PDE8A: variants seen among roughly 807,000 people sequenced by gnomAD.
PDE8A encodes the protein high affinity cAMP-specific and IBMX-insensitive 3',5'-cyclic phosphodiesterase 8A.
PDE8A carries 59 observed loss-of-function variants against 105.0 expected under a neutral mutation model. The observed-to-expected ratio is 0.56, with a 90% CI of 0.46 to 0.70. The LOEUF (loss-of-function observed/expected upper bound fraction) is 0.70. Among genes scored for constraint, PDE8A ranks in the 30% least tolerant of loss-of-function variants. The probability of loss-of-function intolerance (pLI) is 0.00; values close to 1 mark genes in which losing one functional copy is unlikely to be tolerated. For missense variants in PDE8A, 1,014 were observed against 1,045.9 expected (o/e 0.97, Z 0.42); for synonymous variants, 355 against 371.9 (o/e 0.95, Z 0.52).
At chr15:85,111,736 T>C (rs2082023991) in intron 12 of PDE8A, among the ~76,000 whole-genome samples, 1 of 152,192 alleles carries the variant, frequency 6.6e-6, no homozygotes, top group African/African-American at 2.4e-5. Context: ...TGGGATTTGT[T>C]TTCAGAGTGC....
At chr15:84,988,000 G>A (rs1349012163) in intron 1 of PDE8A, among the ~76,000 whole-genome samples, 1 of 152,212 alleles carries the variant, frequency 6.6e-6, no homozygotes, top group Non-Finnish European at 1.5e-5. Flanking sequence ...GGATTCTGCA[G>A]TTCTTAGAGT....
At chr15:85,009,876 TAA>T (rs745978070) in intron 1 of PDE8A, among the ~76,000 whole-genome samples, 1 of 152,198 alleles carries the variant, frequency 6.6e-6, no homozygotes, top group Non-Finnish European at 1.5e-5. Flanking sequence ...AAACTAGAAA[TAA>T]CCCCATAGTT....
At chr15:85,019,648 C>G (rs574875012) in intron 1 of PDE8A, among the ~76,000 whole-genome samples, 2 of 152,190 alleles carry the variant, frequency 1.3e-5, no homozygotes, top group African/African-American at 4.8e-5. Context: ...ATGGCATGAT[C>G]TTGGCTCTGC....
intron 18 of PDE8A, among the ~76,000 whole-genome samples, chr15:85,122,118 ATC>A (rs748151307): frequency 1.3e-5 from 2 of 152,068 alleles, no homozygotes; most frequent in Non-Finnish European, 2.9e-5. Context: ...GCCTTCCCTG[ATC>A]TCTCATGCTA....
At chr15:85,003,464 C>T (rs2080097554) in intron 1 of PDE8A, among the ~76,000 whole-genome samples, 1 of 152,184 alleles carries the variant, frequency 6.6e-6, no homozygotes, top group Non-Finnish European at 1.5e-5. Flanking sequence ...ACAACTTTCA[C>T]AGAACAGGAT....
chr15:85,136,526 C>T lies in PDE8A; in HGVS notation c.2254-8C>T, dbSNP rs376597206. On this transcript the variant is annotated splice_region_variant and splice_polypyrimidine_tract_variant and intron_variant, in intron 20 of 21. Coordinates refer to ENST00000394553, the MANE Select transcript of PDE8A (RefSeq NM_002605.3). ...TGGGGTCTCCTGATCACATTTTCTG[C>T]TTTACAGACTGATGAAGAGAAGCAG... 21 of 1,611,478 alleles carry T rather than the reference C, an allele frequency of 1.3e-5. No homozygotes were observed. Among genetic ancestry groups the T allele is most frequent in the Non-Finnish European group, 1.7e-5 (20 of 1,178,930 alleles).
intron 1 of PDE8A, among the ~76,000 whole-genome samples, chr15:85,014,797 G>GC (rs754237501): frequency 1.3e-5 from 2 of 151,940 alleles, no homozygotes; most frequent in Non-Finnish European, 2.9e-5. Flanking sequence ...TCATATACTC[G>GC]CCCTTATAAA....
At chr15:85,116,291 G>A in intron 16 of PDE8A, 172 bp downstream of exon 16, 1 of 589,884 alleles carries the variant, frequency 1.7e-6, no homozygotes, top group South Asian at 2.3e-5. Flanking sequence ...CTGGGGGAGA[G>A]TCTGCTGGCC....
At chr15:85,038,468 C>G (rs956137233) in intron 1 of PDE8A, among the ~76,000 whole-genome samples, 4 of 151,964 alleles carry the variant, frequency 2.6e-5, no homozygotes, top group African/African-American at 9.7e-5. Flanking sequence ...ATCTTTGCCT[C>G]AATGAAAGCA....
At chr15:85,100,344 C>T in intron 11 of PDE8A, 146 bp downstream of exon 11, 1 of 700,576 alleles carries the variant, frequency 1.4e-6, no homozygotes, top group Non-Finnish European at 2.4e-6. Context: ...CCCAGGCTGG[C>T]TTATGAGTCA....
intron 1 of PDE8A, among the ~76,000 whole-genome samples, chr15:85,054,878 CTCTAAT>C (rs1463793174): frequency 6.6e-6 from 1 of 152,126 alleles, no homozygotes; most frequent in Non-Finnish European, 1.5e-5. Flanking sequence ...GCTCTTGCTT[CTCTAAT>C]TCTTCTATTT....
intron 1 of PDE8A, among the ~76,000 whole-genome samples, chr15:84,990,600 G>T (rs138955135): frequency 6.6e-6 from 1 of 152,290 alleles, no homozygotes; most frequent in African/African-American, 2.4e-5. Flanking sequence ...GTTACATGAA[G>T]AAACCACAGT....
chr15:85,076,029 G>C, intron 4 of PDE8A, 111 bp downstream of exon 4: 1 of 582,228 alleles, frequency 1.7e-6, no homozygotes, highest in Non-Finnish European at 3.1e-6. Context: ...CCTTTGTAGT[G>C]TGGCCTTCTC....
At chr15:84,995,253 T>G (rs2079956569) in intron 1 of PDE8A, among the ~76,000 whole-genome samples, 1 of 152,200 alleles carries the variant, frequency 6.6e-6, no homozygotes, top group African/African-American at 2.4e-5. Flanking sequence ...TCTGATTTTT[T>G]TCTTACCACA....
intron 6 of PDE8A, among the ~76,000 whole-genome samples, chr15:85,084,764 C>T (rs2141509235): frequency 6.6e-6 from 1 of 152,318 alleles, no homozygotes; most frequent in South Asian, 2.1e-4. Flanking sequence ...TGCATTCATT[C>T]TTTCTTCCAT....
chr15:85,093,032 C>T (rs546317931), intron 8 of PDE8A, among the ~76,000 whole-genome samples: 16 of 151,740 alleles, frequency 1.1e-4, no homozygotes, highest in African/African-American at 3.1e-4. Flanking sequence ...CCTCAGCCTC[C>T]TGAGTTGCTG....
intron 1 of PDE8A, among the ~76,000 whole-genome samples, chr15:84,986,457 T>G (rs1391658554): frequency 6.6e-6 from 1 of 152,128 alleles, no homozygotes; most frequent in Non-Finnish European, 1.5e-5. Flanking sequence ...ATCTTCCTCC[T>G]TGCTTTTTTC....
intron 1 of PDE8A, among the ~76,000 whole-genome samples, chr15:84,995,170 T>C (rs1247963928): frequency 6.6e-6 from 1 of 152,190 alleles, no homozygotes; most frequent in Non-Finnish European, 1.5e-5. Flanking sequence ...TCTATGAAGT[T>C]ATAGAACATT....
At chr15:84,998,344 C>G (rs2080012744) in intron 1 of PDE8A, among the ~76,000 whole-genome samples, 1 of 152,192 alleles carries the variant, frequency 6.6e-6, no homozygotes, top group South Asian at 2.1e-4. Context: ...CCTTTGGTCA[C>G]TGAGATGGCC....
Sources: gnomAD v4.1 joint callset for allele counts (sites outside exome capture counted in the v4.1 genomes callset) on GRCh38, gnomAD v4.1.1 for gene constraint, MANE v1.5 for transcripts, NCBI Gene and HGNC (gene_info 2026-07-23, HGNC 2026-07-21) for gene names.